Variants in ME1 observed in about 807,000 individuals in gnomAD.
ME1 encodes malic enzyme 1, also known as NADP-dependent malic enzyme.
ME1 carries 74 observed loss-of-function variants against 66.4 expected under a neutral mutation model. The ratio of observed to expected loss-of-function variants is 1.11; its 90% CI spans 0.92 to 1.35. The LOEUF is 1.35. Among genes scored for constraint, ME1 ranks in the 40% most tolerant of loss-of-function variants. The pLI is 0.00. For missense variants in ME1, 750 were observed against 694.1 expected (o/e 1.08, Z -0.90); for synonymous variants, 251 against 235.6 (o/e 1.07, Z -0.60).
At chr6:83,391,989 A>T (rs1297435074) in intron 3 of ME1, among the ~76,000 whole-genome samples, 1 of 152,230 alleles carries the variant, frequency 6.6e-6, no homozygotes, top group Non-Finnish European at 1.5e-5. Flanking sequence ...CATTCTAGAC[A>T]ATTTATTTAT....
At chr6:83,296,881 C>A (rs1767607576) in intron 6 of ME1, among the ~76,000 whole-genome samples, 1 of 152,094 alleles carries the variant, frequency 6.6e-6, no homozygotes, top group African/African-American at 2.4e-5. Flanking sequence ...GGTGTTCCAA[C>A]TTCAAGGTTC....
chr6:83,271,476 C>T (rs1489658021), intron 6 of ME1, among the ~76,000 whole-genome samples: 1 of 151,992 alleles, frequency 6.6e-6, no homozygotes, highest in Non-Finnish European at 1.5e-5. Flanking sequence ...AAAGAGGTTC[C>T]CATTCCTCTT....
intron 11 of ME1, among the ~76,000 whole-genome samples, chr6:83,225,705 G>C (rs1458620876): frequency 6.6e-6 from 1 of 151,274 alleles, no homozygotes; most frequent in Admixed American, 6.6e-5. Flanking sequence ...AAGCTCTTTA[G>C]CAGATAAAAC....
At chr6:83,363,905 A>G (rs1017336149) in intron 3 of ME1, among the ~76,000 whole-genome samples, 2 of 152,202 alleles carry the variant, frequency 1.3e-5, no homozygotes, top group African/African-American at 2.4e-5. Flanking sequence ...GGATAGTTGT[A>G]TTATGTTAAG....
chr6:83,404,347 A>T (rs1037886615), intron 2 of ME1, among the ~76,000 whole-genome samples: 1 of 151,212 alleles, frequency 6.6e-6, no homozygotes, highest in Non-Finnish European at 1.5e-5. Context: ...TTTTTGATGG[A>T]GTTGTTTTTT....
intron 3 of ME1, among the ~76,000 whole-genome samples, chr6:83,357,079 A>AT (rs1655876398): frequency 6.6e-6 from 1 of 152,106 alleles, no homozygotes; most frequent in Non-Finnish European, 1.5e-5. Flanking sequence ...ATGTCCCTCT[A>AT]TTTGAGTTTG....
chr6:83,254,249 C>A (rs1790767950), intron 6 of ME1, among the ~76,000 whole-genome samples: 1 of 152,046 alleles, frequency 6.6e-6, no homozygotes, highest in African/African-American at 2.4e-5. Flanking sequence ...GGTTTAAAAG[C>A]CCTATTTGGC....
Position 83,346,223 on chromosome 6 carries a change from T to C in ME1, c.550A>G (p.Asn184Asp). The change falls in exon 5 of 14, where the codon AAT becomes GAT. Residue 184 changes from asparagine (N) to aspartate (D), a missense_variant. Physicochemically the swap from Asn to Asp is conservative, Grantham distance 23. Transcript: ENST00000369705. ...ATGACAGGCAGACATTCTTGAGGAT[T>C]CATCCCTCCGCAAGCTGTATATAGA... Reference protein sequence around the residue: ...LALYTACGGMNPQECLPVILD... With the variant: ...LALYTACGGMDPQECLPVILD... The C allele has an allele frequency of 1.2e-6, 2 of 1,612,178 alleles. No homozygotes were observed. Among genetic ancestry groups the C allele is most frequent in the South Asian group, 2.2e-5 (2 of 90,746 alleles).
chr6:83,414,141 T>A (rs912259125), intron 1 of ME1, among the ~76,000 whole-genome samples: 107 of 142,382 alleles, frequency 7.5e-4, no homozygotes, highest in Non-Finnish European at 1.1e-3. Flanking sequence ...ACTAAAAAAA[T>A]TTATTTTTAT....
intron 3 of ME1, among the ~76,000 whole-genome samples, chr6:83,353,656 A>C (rs146808606): frequency 8.7e-4 from 133 of 152,100 alleles, no homozygotes; most frequent in African/African-American, 3.1e-3. Flanking sequence ...CATTATAGTT[A>C]TTTTCCTTAT....
intron 3 of ME1, among the ~76,000 whole-genome samples, chr6:83,388,799 G>A (rs746188780): frequency 6.6e-6 from 1 of 152,030 alleles, no homozygotes; most frequent in Non-Finnish European, 1.5e-5. Context: ...CATTCTGTTT[G>A]CCAAAATCAA....
intron 2 of ME1, among the ~76,000 whole-genome samples, chr6:83,401,724 C>T (rs931225204): frequency 6.6e-6 from 1 of 152,182 alleles, no homozygotes; most frequent in African/African-American, 2.4e-5. Context: ...TGCATAGGCT[C>T]AGCAATATGG....
At chr6:83,427,886 C>A (rs1441374403) in intron 1 of ME1, among the ~76,000 whole-genome samples, 1 of 152,022 alleles carries the variant, frequency 6.6e-6, no homozygotes, top group South Asian at 2.1e-4. Context: ...GTGGCACATG[C>A]CTGTAATCTC....
chr6:83,259,533 G>T (rs138884995), intron 6 of ME1, among the ~76,000 whole-genome samples: 311 of 152,240 alleles, frequency 2.0e-3, no homozygotes, highest in Non-Finnish European at 3.6e-3. Flanking sequence ...CTGGGGAGAT[G>T]ACAAATATTA....
intron 9 of ME1, 136 bp downstream of exon 9, chr6:83,237,581 G>A (rs918919939): frequency 1.2e-5 from 6 of 505,824 alleles, no homozygotes; most frequent in African/African-American, 1.2e-4. Context: ...TATTCTGTAT[G>A]ACATGATCAT....
At position 83,333,989 on chromosome 6, in the gene ME1, T is replaced by C. The variant is rs529259299; in HGVS notation, c.600+12184A>G. On this transcript the variant is annotated intron_variant, in intron 5 of 13. Transcript: ENST00000369705. ...CAAGATGGCCGAATAGGAACAGCTC[T>C]GGTCTACAGCTCCCAGCGTGAGCGA... Among the ~76,000 whole-genome samples the C allele has an allele frequency of 7.3e-3, 1,111 of 152,286 alleles. 6 individuals carry two copies. Among genetic ancestry groups the C allele is most frequent in the Non-Finnish European group, 0.011 (756 of 68,018 alleles).
intron 6 of ME1, among the ~76,000 whole-genome samples, chr6:83,291,314 G>A (rs986575164): frequency 6.6e-6 from 1 of 152,150 alleles, no homozygotes; most frequent in Admixed American, 6.5e-5. Context: ...AGGCAGGCCT[G>A]GTGGTGACAA....
intron 6 of ME1, among the ~76,000 whole-genome samples, chr6:83,273,587 G>T (rs1021113534): frequency 1.3e-5 from 2 of 152,124 alleles, no homozygotes; most frequent in African/African-American, 4.8e-5. Flanking sequence ...CTTCTATGAT[G>T]AAGTATTTTC....
intron 10 of ME1, 61 bp downstream of exon 10, chr6:83,228,765 T>C: frequency 8.9e-7 from 1 of 1,122,450 alleles, no homozygotes; most frequent in Non-Finnish European, 1.3e-6. Context: ...AAATTGGTAG[T>C]AAAAAAAACA....
Sources: gnomAD v4.1 joint callset for allele counts (sites outside exome capture counted in the v4.1 genomes callset) on GRCh38, gnomAD v4.1.1 for gene constraint, MANE v1.5 for transcripts, NCBI Gene and HGNC (gene_info 2026-07-23, HGNC 2026-07-21) for gene names.